Variants in ROS1 observed in about 807,000 individuals in gnomAD.
ROS1 encodes ROS proto-oncogene 1, receptor tyrosine kinase, also known as proto-oncogene tyrosine-protein kinase ROS.
Under a neutral mutation model 273.5 loss-of-function variants are expected in ROS1, and 263 were observed. That is an observed-to-expected ratio of 0.96 (90% CI 0.87 to 1.06). The LOEUF (loss-of-function observed/expected upper bound fraction) is 1.06. Among genes scored for constraint, ROS1 ranks in the 50% least tolerant of loss-of-function variants. ROS1 has a pLI of 0.00. For missense variants in ROS1, 2,833 were observed against 2,751.1 expected (o/e 1.03, Z -0.67); for synonymous variants, 1,008 against 954.1 (o/e 1.06, Z -1.04).
chr6:117,354,215 T>C (rs1779107656), intron 26 of ROS1, among the ~76,000 whole-genome samples: 1 of 152,174 alleles, frequency 6.6e-6, no homozygotes, highest in African/African-American at 2.4e-5. Context: ...TAGTGAGGCA[T>C]GGTAGTGTGC....
chr6:117,343,471 C>T (rs1245906537), intron 28 of ROS1, among the ~76,000 whole-genome samples: 1 of 152,042 alleles, frequency 6.6e-6, no homozygotes, highest in Non-Finnish European at 1.5e-5. Flanking sequence ...TTCATCATTT[C>T]AATGATTGAA....
intron 27 of ROS1, among the ~76,000 whole-genome samples, chr6:117,348,316 T>C (rs1367375734): frequency 6.6e-6 from 1 of 151,996 alleles, no homozygotes; most frequent in East Asian, 1.9e-4. Flanking sequence ...TTTTGGCATA[T>C]TGTGTCTTTA....
rs369724713 is a variant in ROS1 at position 117,385,752 on chromosome 6, A to G, written c.2220T>C (p.Ile740=). Residue 740 remains isoleucine, a synonymous_variant, in exon 16 of 44, where the codon ATT becomes ATC. Coordinates refer to ENST00000368507, the MANE Select transcript of ROS1 (RefSeq NM_001378902.1). The part of the protein sequence containing the change: ...DISENYHLPS[I]AGAGALAFEW... ...CAAAAGCTAAAGCCCCTGCTCCTGCAATGCTGGGTAGGTGATAATTCTCTG... is the reference window on the plus strand; with the variant it reads ...CAAAAGCTAAAGCCCCTGCTCCTGCGATGCTGGGTAGGTGATAATTCTCTG... 6 of 1,614,090 alleles carry G rather than the reference A, an allele frequency of 3.7e-6. No homozygotes were observed. In the African/African-American group the frequency reaches 5.3e-5, roughly 14 times the overall value.
At chr6:117,388,684 T>C (rs1369098210) in intron 13 of ROS1, among the ~76,000 whole-genome samples, 1 of 152,156 alleles carries the variant, frequency 6.6e-6, no homozygotes, top group Non-Finnish European at 1.5e-5. Flanking sequence ...ACAAAGTAAA[T>C]AAAAATATTT....
At chr6:117,398,959 AGACTCT>A (rs1773727613) in intron 7 of ROS1, among the ~76,000 whole-genome samples, 1 of 150,578 alleles carries the variant, frequency 6.6e-6, no homozygotes. Flanking sequence ...GGCAACAGCG[AGACTCT>A]GTCTTAAAAA....
rs1232302854 is a variant in ROS1 at position 117,288,245 on chromosome 6, A to T, written c.*247T>A. On this transcript the variant is annotated 3_prime_UTR_variant, in exon 44 of 44. Coordinates refer to ENST00000368507, the MANE Select transcript of ROS1 (RefSeq NM_001378902.1). ...GCAGTGTTTCCCTTCCAGACTTCTGAGTCTTCCTAAGCTTTCCACATGCTT... is the reference window on the plus strand; with the variant it reads ...GCAGTGTTTCCCTTCCAGACTTCTGTGTCTTCCTAAGCTTTCCACATGCTT... 2.6e-5 allele frequency: 13 copies of T among 500,698 alleles called. No homozygotes were observed. Among genetic ancestry groups the T allele is most frequent in the Non-Finnish European group, 3.2e-5 (9 of 284,568 alleles). 31.0% of individuals were successfully genotyped at this position (500,698 alleles called of 1,614,324 possible). A position where few individuals can be genotyped will look rare whatever the true frequency, so the allele number is the denominator to read the frequency against.
chr6:117,396,875 C>G, intron 8 of ROS1, 40 bp downstream of exon 8: 1 of 1,381,236 alleles, frequency 7.2e-7, no homozygotes, highest in Non-Finnish European at 1.0e-6. Context: ...TGCCTGCAGC[C>G]ATGCTGGTTA....
At chr6:117,377,411 C>T (rs1781427433) in intron 18 of ROS1, among the ~76,000 whole-genome samples, 1 of 151,926 alleles carries the variant, frequency 6.6e-6, no homozygotes, top group African/African-American at 2.4e-5. Context: ...ACGCCCGGCC[C>T]AAATTATTTT....
chr6:117,415,969 G>T (rs920945170), intron 3 of ROS1, among the ~76,000 whole-genome samples: 5 of 152,098 alleles, frequency 3.3e-5, no homozygotes, highest in Admixed American at 3.3e-4. Flanking sequence ...AACAAATACC[G>T]GAGATTCTAC....
intron 7 of ROS1, among the ~76,000 whole-genome samples, chr6:117,401,803 T>TTAAA (rs538575859): frequency 1.1e-5 from 1 of 89,186 alleles, no homozygotes; most frequent in African/African-American, 4.4e-5. Flanking sequence ...AACTTTTCAG[T>TTAAA]AAAAAAAAAA....
At chr6:117,306,835 G>T (rs1005527741) in intron 42 of ROS1, among the ~76,000 whole-genome samples, 1 of 152,074 alleles carries the variant, frequency 6.6e-6, no homozygotes, top group African/African-American at 2.4e-5. Flanking sequence ...CCATTTCCTA[G>T]CCCAGCTTGT....
intron 5 of ROS1, among the ~76,000 whole-genome samples, chr6:117,404,677 C>G (rs1774255341): frequency 6.6e-6 from 1 of 152,078 alleles, no homozygotes; most frequent in South Asian, 2.1e-4. Context: ...TCAGGTTTTG[C>G]TTTTACAGGC....
rs1582865264 is a variant in ROS1, at chr6:117,404,227, A to T, written c.465+53T>A. 5 of 1,564,680 alleles carry T rather than the reference A, an allele frequency of 3.2e-6. No individual in the cohort carries two copies. In the East Asian group the frequency reaches 1.1e-4, roughly 35 times the overall value. On this transcript the variant is annotated intron_variant, in intron 6 of 43. Transcript: ENST00000368507. Reference sequence around the variant, plus strand: ...CAGAGCGAGACTCCGTCTCAAAAAAAAAAAAAAATTGGGAAGGGGTCTGGG... The same window carrying T: ...CAGAGCGAGACTCCGTCTCAAAAAATAAAAAAAATTGGGAAGGGGTCTGGG...
At chr6:117,389,936 T>A (rs1397607793) in intron 12 of ROS1, 90 bp from the exon 13 acceptor site, 1 of 1,170,604 alleles carries the variant, frequency 8.5e-7, no homozygotes, top group Non-Finnish European at 1.2e-6. Flanking sequence ...TGTTGCACAA[T>A]CAGAACTATG....
chr6:117,338,888 G>A (rs973454487), intron 31 of ROS1, among the ~76,000 whole-genome samples: 1 of 152,050 alleles, frequency 6.6e-6, no homozygotes, highest in African/African-American at 2.4e-5. Flanking sequence ...GGAGTGAGGG[G>A]GAGTGTGAGC....
intron 27 of ROS1, among the ~76,000 whole-genome samples, chr6:117,345,956 G>T (rs1339872689): frequency 6.6e-6 from 1 of 152,134 alleles, no homozygotes; most frequent in Non-Finnish European, 1.5e-5. Flanking sequence ...ACAGTGTCAA[G>T]GGCACTGTGA....
chr6:117,359,958 A>T lies in ROS1; in HGVS notation c.3484T>A (p.Leu1162Ile). 1 of 1,613,960 alleles carries T rather than the reference A, an allele frequency of 6.2e-7. No homozygotes were observed. Among genetic ancestry groups the T allele is most frequent in the Non-Finnish European group, 8.5e-7 (1 of 1,179,906 alleles). The stretch of plus-strand genomic sequence containing the variant: ...ACAACTTGATTTTGATCCATATCTA[A>T]AAAAACTATCTTGTTACCAAGAAGA... The part of the protein sequence containing the change: ...ITLLGNKIVF[L>I]DMDQNQVVWT... Residue 1162 changes from leucine (L) to isoleucine (I), a missense_variant, in exon 24 of 44, where the codon TTA (leucine) becomes ATA (isoleucine). By Grantham distance (5) the Leu-to-Ile change is conservative (BLOSUM62 2). Transcript: ENST00000368507.
intron 15 of ROS1, among the ~76,000 whole-genome samples, chr6:117,386,277 CACATTACCT>C (rs1268394085): frequency 1.3e-5 from 2 of 152,208 alleles, no homozygotes; most frequent in Non-Finnish European, 2.9e-5. Context: ...CCATTGGTGC[CACATTACCT>C]ACATTTGGCT....
chr6:117,313,530 G>A (rs1023572014), intron 39 of ROS1, among the ~76,000 whole-genome samples: 3 of 150,586 alleles, frequency 2.0e-5, no homozygotes, highest in African/African-American at 4.9e-5. Flanking sequence ...CCAAGATCAC[G>A]CCACTGCACT....
Sources: gnomAD v4.1 joint callset for allele counts (sites outside exome capture counted in the v4.1 genomes callset) on GRCh38, gnomAD v4.1.1 for gene constraint, MANE v1.5 for transcripts, NCBI Gene and HGNC (gene_info 2026-07-23, HGNC 2026-07-21) for gene names.